Variants in RAP1B observed in about 807,000 individuals in gnomAD.
RAP1B encodes the protein ras-related protein Rap-1b.
Under a neutral mutation model 27.5 loss-of-function variants are expected in RAP1B, and 1 was observed. The ratio of observed to expected loss-of-function variants is 0.04; its 90% CI spans 0.01 to 0.17. The LOEUF (loss-of-function observed/expected upper bound fraction) is 0.17. Among genes scored for constraint, RAP1B ranks in the 10% least tolerant of loss-of-function variants. The probability of loss-of-function intolerance (pLI) is 1.00; values close to 1 mark genes in which losing one functional copy is unlikely to be tolerated. For missense variants in RAP1B, 84 were observed against 214.8 expected (o/e 0.39, Z 3.81); for synonymous variants, 75 against 73.1 (o/e 1.03, Z -0.13).
At chr12:68,624,038 A>AAG (rs538584118) in intron 1 of RAP1B, among the ~76,000 whole-genome samples, 1 of 151,920 alleles carries the variant, frequency 6.6e-6, no homozygotes, top group Non-Finnish European at 1.5e-5. Flanking sequence ...AAAAAAAAAA[A>AAG]AGAGAGAGAG....
chr12:68,630,179 C>G (rs1872131305), intron 1 of RAP1B, among the ~76,000 whole-genome samples: 2 of 152,150 alleles, frequency 1.3e-5, no homozygotes, highest in African/African-American at 4.8e-5. Context: ...AGTTAATGGG[C>G]AAGGTCTATC....
chr12:68,625,782 C>T (rs896720252), intron 1 of RAP1B, among the ~76,000 whole-genome samples: 4 of 151,982 alleles, frequency 2.6e-5, no homozygotes, highest in Non-Finnish European at 4.4e-5. Flanking sequence ...ATTAGCCGAG[C>T]GTGGTGGCGC....
At chr12:68,642,614 TC>T in intron 1 of RAP1B, 2 of 1,032,416 alleles carry the variant, frequency 1.9e-6, no homozygotes, top group Admixed American at 1.7e-5. Context: ...GGTCATCTGA[TC>T]AAATGGAATT....
At chr12:68,656,504 G>A (rs1401403485) in intron 6 of RAP1B, 55 bp downstream of exon 6, 1 of 1,535,506 alleles carries the variant, frequency 6.5e-7, no homozygotes, top group Admixed American at 1.7e-5. Context: ...CATTGAAGAT[G>A]AATGGAAAAT....
At position 68,670,703 on chromosome 12, in the gene RAP1B, A is replaced by G. The variant is rs1318464440; in HGVS notation, c.*11454A>G. 1 of 152,238 alleles carries G rather than the reference A, an allele frequency of 6.6e-6. No individual in the cohort carries two copies. Among genetic ancestry groups the G allele is most frequent in the East Asian group, 1.9e-4 (1 of 5,204 alleles). The allele number at this position is 152,238 out of a possible 1,614,324, so 9.4% of individuals were successfully genotyped here. A position where few individuals can be genotyped will look rare whatever the true frequency, so the allele number is the denominator to read the frequency against. On this transcript the variant is annotated 3_prime_UTR_variant, in exon 8 of 8. Transcript: ENST00000250559. The stretch of plus-strand genomic sequence containing the variant: ...ATTTGGCAAAATATATTGCAAAGTC[A>G]AATTTGGGAAAGTATAGCACAGATA...
intron 1 of RAP1B, among the ~76,000 whole-genome samples, chr12:68,639,456 C>A (rs569519937): frequency 6.6e-6 from 1 of 152,290 alleles, no homozygotes; most frequent in Non-Finnish European, 1.5e-5. Flanking sequence ...CAAGGTAATA[C>A]GTAATCAAGT....
intron 1 of RAP1B, among the ~76,000 whole-genome samples, chr12:68,617,586 G>A (rs969660167): frequency 2.0e-5 from 3 of 152,140 alleles, no homozygotes; most frequent in Non-Finnish European, 4.4e-5. Flanking sequence ...AAGAAAATGA[G>A]TATCATCCGT....
chr12:68,654,031 C>A lies in RAP1B; in HGVS notation c.184-81C>A. The stretch of plus-strand genomic sequence containing the variant: ...TAATACTACAGTATTCTTCATTGAG[C>A]TATAATTATAGACTGTGAAAATTGT... On this transcript the variant is annotated intron_variant, in intron 4 of 7. Transcript: ENST00000250559. 2.6e-6 allele frequency: 3 copies of A among 1,151,708 alleles called. No homozygotes were observed. The South Asian group carries it at 4.3e-5, about 16-fold the overall frequency. 71.3% of individuals were successfully genotyped at this position (1,151,708 alleles called of 1,614,324 possible). A position where few individuals can be genotyped will look rare whatever the true frequency, so the allele number is the denominator to read the frequency against.
intron 1 of RAP1B, among the ~76,000 whole-genome samples, chr12:68,632,789 A>T (rs955991374): frequency 6.6e-6 from 1 of 152,184 alleles, no homozygotes; most frequent in Non-Finnish European, 1.5e-5. Flanking sequence ...AAAAGGCTTC[A>T]GATAAAGAGG....
chr12:68,635,796 A>T (rs1216048363), intron 1 of RAP1B, among the ~76,000 whole-genome samples: 3 of 152,060 alleles, frequency 2.0e-5, no homozygotes, highest in African/African-American at 4.8e-5. Flanking sequence ...CAGAATTTCA[A>T]ACTGGGGTTA....
chr12:68,626,319 T>C (rs996603676), intron 1 of RAP1B, among the ~76,000 whole-genome samples: 2 of 152,232 alleles, frequency 1.3e-5, no homozygotes, highest in Non-Finnish European at 2.9e-5. Context: ...CAACAGCTTA[T>C]AAACTGCATG....
chr12:68,642,404 G>A, intron 1 of RAP1B: 1 of 527,198 alleles, frequency 1.9e-6, no homozygotes, highest in Non-Finnish European at 3.5e-6. Context: ...AGAGATATTG[G>A]CTAATTTACT....
rs1280924867 is a variant in RAP1B, at chr12:68,664,046, T to C, written c.*4797T>C. 1 of 152,230 alleles carries C rather than the reference T, an allele frequency of 6.6e-6. No homozygotes were observed. Among genetic ancestry groups the C allele is most frequent in the African/African-American group, 2.4e-5 (1 of 41,464 alleles). The allele number at this position is 152,230 out of a possible 1,614,324, so 9.4% of individuals were successfully genotyped here. A position where few individuals can be genotyped will look rare whatever the true frequency, so the allele number is the denominator to read the frequency against. On this transcript the variant is annotated 3_prime_UTR_variant, in exon 8 of 8. Transcript: ENST00000250559. ...CGAAGACAGTTTTTACTATGTTGTT[T>C]TACTATGAACCTAGTTTAACCTGAC...
At chr12:68,618,833 T>C (rs1386190261) in intron 1 of RAP1B, among the ~76,000 whole-genome samples, 1 of 152,134 alleles carries the variant, frequency 6.6e-6, no homozygotes, top group East Asian at 1.9e-4. Context: ...TAATATACTG[T>C]AACAAAATGG....
intron 1 of RAP1B, among the ~76,000 whole-genome samples, chr12:68,646,643 A>G (rs541360146): frequency 2.0e-5 from 3 of 152,158 alleles, no homozygotes; most frequent in African/African-American, 4.8e-5. Context: ...TCCTGTGACT[A>G]TATGTAGTCA....
At chr12:68,644,042 T>G (rs536780332) in intron 1 of RAP1B, among the ~76,000 whole-genome samples, 16 of 152,292 alleles carry the variant, frequency 1.1e-4, no homozygotes, top group Non-Finnish European at 5.9e-5. Context: ...GCTGTCAAAA[T>G]TACAGTCTGC....
Position 68,636,197 on chromosome 12 carries a change from A to G in RAP1B, c.-26-12502A>G, listed in dbSNP as rs888658579. 5.9e-5 allele frequency among the ~76,000 whole-genome samples: 9 copies of G among 152,248 alleles called. No individual in the cohort carries two copies. In the East Asian group the frequency reaches 1.5e-3, roughly 26 times the overall value. On this transcript the variant is annotated intron_variant, in intron 1 of 7. Coordinates refer to ENST00000250559, the MANE Select transcript of RAP1B (RefSeq NM_001010942.3). ...ATGACAGTCAGCTATTTTTTTTGGC[A>G]TATTTTAAGGGACAGAAATTATGCT...
In RAP1B at chr12:68,663,378, A is replaced by G. The variant is rs758579220; in HGVS notation, c.*4129A>G. ...GCACCCAGCCTAATCAATACATTTG[A>G]TATTTCAAGAATACATGAGAGAAGA... On this transcript the variant is annotated 3_prime_UTR_variant, in exon 8 of 8. Transcript: ENST00000250559. 5 of 152,152 alleles carry G rather than the reference A, an allele frequency of 3.3e-5. No homozygotes were observed. The highest frequency in any genetic ancestry group is 7.3e-5 in the Non-Finnish European group (5 of 68,034). The allele number at this position is 152,152 out of a possible 1,614,324, so 9.4% of individuals were successfully genotyped here.
chr12:68,612,765 T>C (rs893895074), intron 1 of RAP1B, among the ~76,000 whole-genome samples: 1 of 152,242 alleles, frequency 6.6e-6, no homozygotes, highest in South Asian at 2.1e-4. Flanking sequence ...ATAGTCTTAT[T>C]TGAGCTCATC....
Sources: gnomAD v4.1 joint callset for allele counts (sites outside exome capture counted in the v4.1 genomes callset) on GRCh38, gnomAD v4.1.1 for gene constraint, MANE v1.5 for transcripts, NCBI Gene and HGNC (gene_info 2026-07-23, HGNC 2026-07-21) for gene names.